The following KYAT1 variants were observed in gnomAD, a reference collection of about 807,000 sequenced individuals.
The protein encoded by KYAT1 is kynurenine--oxoglutarate transaminase 1.
Under a neutral mutation model 52.4 loss-of-function variants are expected in KYAT1, and 47 were observed. The observed-to-expected ratio is 0.90, with a 90% CI of 0.71 to 1.14. KYAT1 has a LOEUF of 1.14. Among genes scored for constraint, KYAT1 ranks in the 50% most tolerant of loss-of-function variants. The pLI is 0.00. For missense variants in KYAT1, 480 were observed against 557.9 expected (o/e 0.86, Z 1.41); for synonymous variants, 212 against 209.6 (o/e 1.01, Z -0.10).
chr9:128,848,449 A>C (rs1421298441), intron 1 of KYAT1, among the ~76,000 whole-genome samples: 1 of 152,180 alleles, frequency 6.6e-6, no homozygotes, highest in Non-Finnish European at 1.5e-5. Context: ...TTAAAGATAG[A>C]TATATAAGTC....
intron 1 of KYAT1, among the ~76,000 whole-genome samples, chr9:128,864,241 C>CTA (rs1351035983): frequency 1.3e-5 from 2 of 151,522 alleles, no homozygotes; most frequent in African/African-American, 4.9e-5. Flanking sequence ...TGGCGGGTGC[C>CTA]TATAGTCCCA....
At chr9:128,880,326 C>T (rs545383391) in intron 1 of KYAT1, among the ~76,000 whole-genome samples, 1 of 152,096 alleles carries the variant, frequency 6.6e-6, no homozygotes, top group Non-Finnish European at 1.5e-5. Flanking sequence ...GGCCCCAAGA[C>T]GGGTGTTGCG....
At chr9:128,878,618 C>G (rs1027541049) in intron 1 of KYAT1, among the ~76,000 whole-genome samples, 9 of 152,138 alleles carry the variant, frequency 5.9e-5, no homozygotes, top group African/African-American at 2.2e-4. Flanking sequence ...AACAGCCTGT[C>G]TGAGGAGATC....
intron 2 of KYAT1, among the ~76,000 whole-genome samples, chr9:128,843,098 C>T (rs1000411635): frequency 3.3e-5 from 5 of 151,824 alleles, no homozygotes; most frequent in African/African-American, 1.2e-4. Context: ...ACCCGGGAAC[C>T]GGAGGTTGAA....
At chr9:128,843,243 G>A (rs193297622) in intron 2 of KYAT1, among the ~76,000 whole-genome samples, 4 of 152,116 alleles carry the variant, frequency 2.6e-5, no homozygotes, top group Non-Finnish European at 5.9e-5. Context: ...ATCAGCAACT[G>A]TCCTGGCCTG....
chr9:128,881,247 AT>A (rs1164064625), intron 1 of KYAT1, among the ~76,000 whole-genome samples: 1 of 151,786 alleles, frequency 6.6e-6, no homozygotes, highest in Non-Finnish European at 1.5e-5. Flanking sequence ...CGCCCGGCTG[AT>A]TTTTTTGTAT....
intron 1 of KYAT1, chr9:128,845,633 A>C: frequency 9.1e-6 from 5 of 547,646 alleles, no homozygotes; most frequent in Non-Finnish European, 1.6e-5. Flanking sequence ...AGCAGCCTCC[A>C]CCTCCCCAAC....
chr9:128,837,289 G>A (rs529729501), intron 6 of KYAT1, among the ~76,000 whole-genome samples: 7 of 152,226 alleles, frequency 4.6e-5, no homozygotes, highest in East Asian at 1.9e-4. Context: ...GCGAGACTCC[G>A]TCTCAAAAAA....
In KYAT1 at chr9:128,836,967, C is replaced by T. The variant is rs750307138; in HGVS notation, c.568-45G>A. ...GCACAGACCTGCAGCTGGGACCGTCCCCAAACACAGAGGCCTACTCAGAGA... is the reference window on the plus strand; with the variant it reads ...GCACAGACCTGCAGCTGGGACCGTCTCCAAACACAGAGGCCTACTCAGAGA... On this transcript the variant is annotated intron_variant, in intron 6 of 12. Coordinates refer to ENST00000302586, the MANE Select transcript of KYAT1 (RefSeq NM_004059.5). 4.4e-6 allele frequency: 7 copies of T among 1,594,098 alleles called. No individual in the cohort carries two copies. The South Asian group carries it at 6.8e-5, about 15-fold the overall frequency.
chr9:128,878,243 T>TCC (rs1440114912), intron 1 of KYAT1, among the ~76,000 whole-genome samples: 2 of 152,168 alleles, frequency 1.3e-5, no homozygotes, highest in Non-Finnish European at 2.9e-5. Flanking sequence ...CAAGCGATTC[T>TCC]TGTACCTCAG....
intron 6 of KYAT1, 42 bp downstream of exon 6, chr9:128,837,643 A>AC: frequency 6.2e-7 from 1 of 1,611,628 alleles, no homozygotes; most frequent in Non-Finnish European, 8.5e-7. Context: ...AGGAGACATG[A>AC]CCAGGTCCGC....
rs753490154 is a variant in KYAT1 at position 128,842,643 on chromosome 9, G to A, written c.201+11C>T. 1 of 1,611,902 alleles carries A rather than the reference G, an allele frequency of 6.2e-7. No individual in the cohort carries two copies. Among genetic ancestry groups the A allele is most frequent in the Non-Finnish European group, 8.5e-7 (1 of 1,178,348 alleles). Reference sequence around the variant, plus strand: ...TCCCCCAGTGCCTCCACGAGAGATGGGGAGACTCACAAATGTCTTGGTGTA... The same window carrying A: ...TCCCCCAGTGCCTCCACGAGAGATGAGGAGACTCACAAATGTCTTGGTGTA... On this transcript the variant is annotated intron_variant, in intron 3 of 12. Transcript: ENST00000302586.
intron 1 of KYAT1, among the ~76,000 whole-genome samples, chr9:128,868,400 T>C (rs1257235128): frequency 1.3e-5 from 2 of 152,064 alleles, no homozygotes; most frequent in East Asian, 3.9e-4. Context: ...CCTTTTTTTC[T>C]TTGGTGAGAC....
chr9:128,833,120 C>T lies in KYAT1; in HGVS notation c.*464G>A. 5.8e-6 allele frequency: 1 copy of T among 173,678 alleles called. No individual in the cohort carries two copies. Among genetic ancestry groups the T allele is most frequent in the East Asian group, 1.6e-4 (1 of 6,294 alleles). The allele number at this position is 173,678 out of a possible 1,614,324, so 10.8% of individuals were successfully genotyped here. On this transcript the variant is annotated 3_prime_UTR_variant, in exon 13 of 13. Transcript: ENST00000302586. ...GCAGAGAGAAGCCGTCAATAAGGAT[C>T]TTAATAACTTAAACATTTTATTATG...
chr9:128,868,938 T>G (rs1456352990), intron 1 of KYAT1, among the ~76,000 whole-genome samples: 1 of 151,958 alleles, frequency 6.6e-6, no homozygotes, highest in Non-Finnish European at 1.5e-5. Context: ...TCTCCTGACC[T>G]CATGATCTGC....
chr9:128,877,667 C>A (rs1838243315), intron 1 of KYAT1, among the ~76,000 whole-genome samples: 1 of 152,194 alleles, frequency 6.6e-6, no homozygotes, highest in Admixed American at 6.5e-5. Flanking sequence ...GCGAGGTGAC[C>A]ATGCCTTCCC....
rs375287543 is a variant in KYAT1 at position 128,881,203 on chromosome 9, C to T, written c.-7+694G>A. On this transcript the variant is annotated intron_variant, in intron 1 of 12. Transcript: ENST00000302586. The stretch of plus-strand genomic sequence containing the variant: ...TCATGCCATTCTCCTGCCTCAGCCT[C>T]CAGAGTAGCTGGGACTACAGGCGCC... Among the ~76,000 whole-genome samples, 24 of 152,270 alleles carry T rather than the reference C, an allele frequency of 1.6e-4. No individual in the cohort carries two copies. The East Asian group carries it at 3.9e-3, about 25-fold the overall frequency.
intron 11 of KYAT1, 180 bp downstream of exon 11, chr9:128,835,143 A>C: frequency 1.6e-6 from 1 of 627,424 alleles, no homozygotes; most frequent in Non-Finnish European, 2.8e-6. Context: ...TCAACCAAAA[A>C]AAAAAAAGAA....
In KYAT1 at chr9:128,836,930, T is replaced by C. The variant is rs1831230421; in HGVS notation, c.568-8A>G. ...CTCTTCCCTGGAGAACACCTGCAGA[T>C]GCCCAAGGAGAGCACAGACCTGCAG... On this transcript the variant is annotated splice_region_variant and splice_polypyrimidine_tract_variant and intron_variant, in intron 6 of 12. Transcript: ENST00000302586. The C allele has an allele frequency of 4.3e-6, 7 of 1,610,342 alleles. No individual in the cohort carries two copies. The highest frequency in any genetic ancestry group is 3.3e-5 in the South Asian group (3 of 90,880).
Sources: allele counts gnomAD v4.1 joint callset (sites outside exome capture counted in the v4.1 genomes callset), GRCh38; gene constraint gnomAD v4.1.1; transcripts MANE v1.5; gene names NCBI Gene and HGNC (gene_info 2026-07-23, HGNC 2026-07-21).